Variants in FAP observed in about 807,000 individuals in gnomAD.
The protein encoded by FAP is prolyl endopeptidase FAP.
A neutral mutation model predicts 126.5 loss-of-function variants in FAP; 110 were observed. The observed-to-expected ratio is 0.87, with a 90% CI of 0.74 to 1.02. The LOEUF (loss-of-function observed/expected upper bound fraction) is 1.02, where lower values mean the gene tolerates loss of function less well. FAP is among the 50% of genes least tolerant of loss of function. The pLI is 0.00. For missense variants in FAP, 919 were observed against 909.2 expected, an observed-to-expected ratio of 1.01 and a Z score of -0.14; for synonymous variants, 334 against 297.3, an observed-to-expected ratio of 1.12 and a Z score of -1.27.
chr2:162,198,054 G>T, intron 16 of FAP: 2 of 721,712 alleles, frequency 2.8e-6, no homozygotes, highest in African/African-American at 1.9e-5. Flanking sequence ...TAGATAAAAG[G>T]TTGCACATAA....
intron 25 of FAP, 200 bp from the exon 26 acceptor site, chr2:162,171,280 T>C (rs1687295952): frequency 2.0e-6 from 1 of 493,408 alleles, no homozygotes; most frequent in East Asian, 3.3e-5. Flanking sequence ...CTGTTTCACA[T>C]GCTTTAAACA....
intron 21 of FAP, among the ~76,000 whole-genome samples, chr2:162,177,545 C>T (rs1426516173): frequency 2.0e-5 from 3 of 152,178 alleles, no homozygotes; most frequent in Non-Finnish European, 4.4e-5. Context: ...TCCACAGACA[C>T]TGGCATGCCT....
intron 2 of FAP, among the ~76,000 whole-genome samples, chr2:162,242,185 A>T (rs116269467): frequency 6.6e-6 from 1 of 152,138 alleles, no homozygotes; most frequent in Non-Finnish European, 1.5e-5. Context: ...ATATTTTCAT[A>T]AAAAGCTATT....
At chr2:162,179,813 T>TATATA (rs1491511294) in intron 21 of FAP, among the ~76,000 whole-genome samples, 2 of 100,078 alleles carry the variant, frequency 2.0e-5, no homozygotes, top group African/African-American at 3.4e-5. Context: ...TATATATATA[T>TATATA]TTTTTTTTTT....
intron 2 of FAP, among the ~76,000 whole-genome samples, chr2:162,232,021 T>A (rs950653930): frequency 6.6e-6 from 1 of 152,074 alleles, no homozygotes; most frequent in Non-Finnish European, 1.5e-5. Flanking sequence ...GGAGGTATCA[T>A]CTCCAATTAT....
intron 16 of FAP, among the ~76,000 whole-genome samples, chr2:162,196,568 G>A (rs1296806471): frequency 1.4e-5 from 2 of 141,252 alleles, no homozygotes; most frequent in Non-Finnish European, 3.0e-5. Flanking sequence ...ATGACTGACT[G>A]TATTTGACAC....
chr2:162,215,138 T>C (rs1689115077), intron 10 of FAP, among the ~76,000 whole-genome samples: 1 of 152,220 alleles, frequency 6.6e-6, no homozygotes, highest in African/African-American at 2.4e-5. Context: ...AAGAGTGGAC[T>C]CAGCAAGGCC....
At chr2:162,213,344 C>T (rs1406218989) in intron 11 of FAP, among the ~76,000 whole-genome samples, 2 of 150,972 alleles carry the variant, frequency 1.3e-5, no homozygotes, top group Non-Finnish European at 2.9e-5. Context: ...CCACTGCACT[C>T]CAGCCTGGCG....
At chr2:162,235,613 A>G (rs761847397) in intron 2 of FAP, among the ~76,000 whole-genome samples, 15 of 152,162 alleles carry the variant, frequency 9.9e-5, no homozygotes, top group Non-Finnish European at 2.1e-4. Context: ...AAACAGACCA[A>G]TCAGCTCTCT....
At chr2:162,241,297 A>G (rs1690334623) in intron 2 of FAP, among the ~76,000 whole-genome samples, 1 of 152,228 alleles carries the variant, frequency 6.6e-6, no homozygotes, top group Non-Finnish European at 1.5e-5. Flanking sequence ...TTTATACTAT[A>G]TATAGTTTAC....
rs575786427 is a variant in FAP at position 162,224,733 on chromosome 2, A to G, written c.286-193T>C. On this transcript the variant is annotated intron_variant, in intron 4 of 25. Coordinates refer to ENST00000188790, the MANE Select transcript of FAP (RefSeq NM_004460.5). ...ACTAGATACTATGGGAGAAGGATGC[A>G]AGAGATAATATATACTTTGTGATTT... 1.1e-4 allele frequency among the ~76,000 whole-genome samples: 17 copies of G among 152,302 alleles called. No individual in the cohort carries two copies. The South Asian group carries it at 1.4e-3, about 13-fold the overall frequency.
chr2:162,224,625 AT>A (rs1689559030), intron 4 of FAP, 85 bp from the exon 5 acceptor site: 2 of 748,414 alleles, frequency 2.7e-6, no homozygotes, highest in South Asian at 1.8e-5. Context: ...ATATTATATT[AT>A]CAACATACTC....
chr2:162,242,135 A>AT (rs770664054), intron 2 of FAP, among the ~76,000 whole-genome samples: 24 of 151,888 alleles, frequency 1.6e-4, no homozygotes, highest in East Asian at 3.9e-4. Flanking sequence ...TTATTACTGG[A>AT]TTTTTTTTCC....
intron 12 of FAP, among the ~76,000 whole-genome samples, chr2:162,206,282 GTT>G (rs1396535259): frequency 6.6e-6 from 1 of 152,154 alleles, no homozygotes; most frequent in Non-Finnish European, 1.5e-5. Flanking sequence ...CCCACACCAA[GTT>G]GTCCTCAGTT....
At chr2:162,225,909 A>G (rs543245452) in intron 3 of FAP, among the ~76,000 whole-genome samples, 56 of 152,204 alleles carry the variant, frequency 3.7e-4, no homozygotes, top group Non-Finnish European at 7.6e-4. Flanking sequence ...AACATAAATT[A>G]CATTTAAGTT....
chr2:162,224,465 C>G lies in FAP; in HGVS notation c.360+1G>C, dbSNP rs1236823679. On this transcript the variant is annotated splice_donor_variant, in intron 5 of 25. Coordinates refer to ENST00000188790, the MANE Select transcript of FAP (RefSeq NM_004460.5). LOFTEE classifies it high-confidence loss of function. ...ATATAACCAAATTAAATAGTTGATA[C>G]CTTTGAATAATCACTTTCTAGATAT... 1.9e-6 allele frequency: 3 copies of G among 1,561,962 alleles called. No individual in the cohort carries two copies. The highest frequency in any genetic ancestry group is 2.6e-6 in the Non-Finnish European group (3 of 1,145,748).
At chr2:162,200,810 A>T (rs1038106833) in intron 14 of FAP, among the ~76,000 whole-genome samples, 191 bp from the exon 15 acceptor site, 2 of 152,164 alleles carry the variant, frequency 1.3e-5, no homozygotes, top group Non-Finnish European at 1.5e-5. Flanking sequence ...AAATCATCAG[A>T]GGAAGATTAA....
At chr2:162,197,191 C>T (rs994325113) in intron 16 of FAP, among the ~76,000 whole-genome samples, 1 of 152,170 alleles carries the variant, frequency 6.6e-6, no homozygotes, top group African/African-American at 2.4e-5. Flanking sequence ...CTGCAAGGGA[C>T]AGCAATGTTA....
chr2:162,179,110 T>C (rs1390349529), intron 21 of FAP, among the ~76,000 whole-genome samples: 1 of 152,188 alleles, frequency 6.6e-6, no homozygotes, highest in Non-Finnish European at 1.5e-5. Context: ...TACCTTGCCC[T>C]ATTGACTTCA....
Sources: allele counts gnomAD v4.1 joint callset (sites outside exome capture counted in the v4.1 genomes callset), GRCh38; gene constraint gnomAD v4.1.1; transcripts MANE v1.5; gene names NCBI Gene and HGNC (gene_info 2026-07-23, HGNC 2026-07-21).